The following PNLIPRP1 variants were observed in gnomAD, a reference collection of about 807,000 sequenced individuals.
The protein encoded by PNLIPRP1 is pancreatic lipase related protein 1, also known as inactive pancreatic lipase-related protein 1.
In PNLIPRP1, 57 loss-of-function variants were observed where a neutral mutation model predicts 54.6. The ratio of observed to expected loss-of-function variants is 1.04; its 90% CI spans 0.84 to 1.30. PNLIPRP1 has a LOEUF of 1.30. Ranked by LOEUF, PNLIPRP1 falls within the 50% of genes most tolerant of loss-of-function variation. The pLI, the probability that PNLIPRP1 is intolerant of heterozygous loss-of-function variation, is 0.00. For synonymous variants in PNLIPRP1, 232 were observed against 208.8 expected, an observed-to-expected ratio of 1.11 and a Z score of -0.96; for missense variants, 567 against 568.5, an observed-to-expected ratio of 1.00 and a Z score of 0.03.
At chr10:116,593,296 A>G (rs1358442770) in intron 4 of PNLIPRP1, 1 of 152,940 alleles carries the variant, frequency 6.5e-6, no homozygotes, top group African/African-American at 2.4e-5. Flanking sequence ...ACACACATAC[A>G]TACATGGACA....
chr10:116,596,274 G>T lies in PNLIPRP1; in HGVS notation c.526G>T (p.Val176Leu). 6.2e-7 allele frequency: 1 copy of T among 1,613,988 alleles called. No individual in the cohort carries two copies. The change falls in exon 6 of 13, where the codon GTG becomes TTG. Residue 176 changes from valine to leucine, a missense_variant. Val to Leu is a conservative substitution (Grantham distance 32). Transcript: ENST00000358834. ...CATTGGCCACAGCCTGGGAGCCCACGTGGCTGGAGAGGCAGGAAGCAAGAC... is the reference window on the plus strand; with the variant it reads ...CATTGGCCACAGCCTGGGAGCCCACTTGGCTGGAGAGGCAGGAAGCAAGAC... ...HLIGHSLGAHVAGEAGSKTPG... is the reference protein window; with the variant it reads ...HLIGHSLGAHLAGEAGSKTPG...
At chr10:116,603,710 T>G (rs1847888134) in intron 10 of PNLIPRP1, among the ~76,000 whole-genome samples, 1 of 152,122 alleles carries the variant, frequency 6.6e-6, no homozygotes, top group Admixed American at 6.5e-5. Context: ...TTGACCAACA[T>G]GGCGAAACTC....
At position 116,605,938 on chromosome 10, in the gene PNLIPRP1, T is replaced by G. The variant is rs555815928; in HGVS notation, c.1340+385T>G. 2.6e-5 allele frequency among the ~76,000 whole-genome samples: 4 copies of G among 152,252 alleles called. No individual in the cohort carries two copies. In the South Asian group the frequency reaches 8.3e-4, roughly 32 times the overall value. On this transcript the variant is annotated intron_variant, in intron 12 of 12. Transcript: ENST00000358834. ...ATAATAAAACGGAAAATAAATCGGT[T>G]TTAGGAAAAGATCGAAAATTTTACA...
At chr10:116,592,228 G>A in intron 3 of PNLIPRP1, 188 bp from the exon 4 acceptor site, 1 of 678,900 alleles carries the variant, frequency 1.5e-6, no homozygotes, top group Non-Finnish European at 2.4e-6. Flanking sequence ...TCCAGGCCTA[G>A]TGGAAGCAGT....
chr10:116,603,123 C>T (rs1172829523), intron 10 of PNLIPRP1, among the ~76,000 whole-genome samples: 1 of 152,106 alleles, frequency 6.6e-6, no homozygotes, highest in African/African-American at 2.4e-5. Flanking sequence ...GCATGCAGGC[C>T]CTGGGACAGC....
chr10:116,606,890 A>T (rs1847944535), intron 12 of PNLIPRP1, among the ~76,000 whole-genome samples: 1 of 152,066 alleles, frequency 6.6e-6, no homozygotes, highest in Admixed American at 6.5e-5. Context: ...GCTGGATATA[A>T]GACATCAGGT....
In PNLIPRP1 at chr10:116,598,111, G is replaced by A. The variant is rs782411789; in HGVS notation, c.759G>A (p.Pro253=). The change falls in exon 8 of 13, where the codon CCG becomes CCA. Residue 253 remains proline, a synonymous_variant. Transcript: ENST00000358834. ...DFFPNGGESM[P]GCKKNALSQI... is the part of the protein sequence containing the mutation. ...TCCCCAATGGAGGAGAGAGCATGCCGGGATGCAAGAAGAATGCCCTGTCTC... is the reference window on the plus strand; with the variant it reads ...TCCCCAATGGAGGAGAGAGCATGCCAGGATGCAAGAAGAATGCCCTGTCTC... 1.1e-5 allele frequency: 18 copies of A among 1,614,090 alleles called. No homozygotes were observed. The highest frequency in any genetic ancestry group is 6.6e-5 in the South Asian group (6 of 91,066).
rs1310079082 is a variant in PNLIPRP1 at position 116,598,172 on chromosome 10, G to A, written c.814+6G>A. On this transcript the variant is annotated splice_donor_region_variant and intron_variant, in intron 8 of 12. Coordinates refer to ENST00000358834, the MANE Select transcript of PNLIPRP1 (RefSeq NM_006229.4). ...TCTAGATGGCATCTGGGCGGGTAAA[G>A]TCATGGTGGGGTGAGGGGAGCAGGG... is the stretch of plus-strand genomic sequence containing the variant. The A allele has an allele frequency of 3.7e-6, 6 of 1,612,386 alleles. No homozygotes were observed. The highest frequency in any genetic ancestry group is 1.7e-5 in the Admixed American group (1 of 59,918).
chr10:116,591,092 T>C, intron 1 of PNLIPRP1, 38 bp from the exon 2 acceptor site: 7 of 1,579,742 alleles, frequency 4.4e-6, no homozygotes, highest in Non-Finnish European at 6.1e-6. Context: ...GCTCTGGCAA[T>C]GCCCGGTGAG....
chr10:116,593,954 C>CAA (rs57786929), intron 4 of PNLIPRP1: 16 of 94,576 alleles, frequency 1.7e-4, no homozygotes, highest in South Asian at 3.0e-4. Flanking sequence ...GAGGCTGTCT[C>CAA]AAAAAAAAAA....
At chr10:116,596,959 T>C (rs530442646) in intron 6 of PNLIPRP1, among the ~76,000 whole-genome samples, 3 of 152,314 alleles carry the variant, frequency 2.0e-5, no homozygotes, top group East Asian at 3.9e-4. Flanking sequence ...TATTTTCTTA[T>C]ATAATTCTCA....
Position 116,601,143 on chromosome 10 carries a change from G to T in PNLIPRP1, c.1005G>T (p.Arg335Ser). The part of the protein sequence containing the change: ...MGHYADKFAG[R>S]TSEEQQKFFL... ...ACTATGCTGATAAATTTGCTGGCAG[G>T]ACAAGTGAAGAGCAGCAGAAATTCT... Residue 335 changes from arginine to serine, a missense_variant, in exon 10 of 13, where the codon AGG becomes AGT. Arg to Ser is a moderately radical substitution (Grantham distance 110). Transcript: ENST00000358834. The T allele has an allele frequency of 6.2e-7, 1 of 1,614,100 alleles. No individual in the cohort carries two copies. The highest frequency in any genetic ancestry group is 8.5e-7 in the Non-Finnish European group (1 of 1,179,996).
At chr10:116,594,416 T>C in intron 4 of PNLIPRP1, 1 of 503,322 alleles carries the variant, frequency 2.0e-6, no homozygotes, top group Non-Finnish European at 3.8e-6. Context: ...AGACTTTTCC[T>C]TTTCAAAACA....
chr10:116,594,823 G>A lies in PNLIPRP1; in HGVS notation c.424G>A (p.Val142Met). The A allele has an allele frequency of 6.2e-7, 1 of 1,614,160 alleles. No individual in the cohort carries two copies. The highest frequency in any genetic ancestry group is 8.5e-7 in the Non-Finnish European group (1 of 1,180,044). ...CACACAGGCTGCCAACAACGTGCGAGTGGTGGGCGCCCAGGTGGCCCAGAT... is the reference window on the plus strand; with the variant it reads ...CACACAGGCTGCCAACAACGTGCGAATGGTGGGCGCCCAGGTGGCCCAGAT... The part of the protein sequence containing the change: ...TYTQAANNVR[V>M]VGAQVAQMLD... The change falls in exon 5 of 13, where the codon GTG (valine) becomes ATG (methionine). Residue 142 changes from valine (V) to methionine (M), a missense_variant. Physicochemically the swap from Val to Met is conservative, Grantham distance 21 (BLOSUM62 1). Transcript: ENST00000358834.
At position 116,597,929 on chromosome 10, in the gene PNLIPRP1, C is replaced by G. The variant is rs1431251207; in HGVS notation, c.676C>G (p.Pro226Ala). Reference protein sequence around the residue: ...FVDVIHTDAAPLIPFLGFGTN... With the variant: ...FVDVIHTDAAALIPFLGFGTN... ...TGATGTGATTCACACGGATGCAGCT[C>G]CCCTGATCCCATTCTTGGGTGAGAC... Residue 226 changes from proline to alanine, a missense_variant, in exon 7 of 13, where the codon CCC (proline) becomes GCC (alanine). Pro to Ala is a conservative substitution (Grantham distance 27). Coordinates refer to ENST00000358834, the MANE Select transcript of PNLIPRP1 (RefSeq NM_006229.4). The G allele has an allele frequency of 1.9e-6, 3 of 1,614,204 alleles. No homozygotes were observed. The highest frequency in any genetic ancestry group is 2.5e-6 in the Non-Finnish European group (3 of 1,180,038).
At chr10:116,601,952 AGTT>A (rs1403464920) in intron 10 of PNLIPRP1, among the ~76,000 whole-genome samples, 20 of 152,220 alleles carry the variant, frequency 1.3e-4, no homozygotes, top group African/African-American at 4.6e-4. Flanking sequence ...ACAAATGAAT[AGTT>A]GTGTAAACAC....
intron 8 of PNLIPRP1, among the ~76,000 whole-genome samples, chr10:116,599,588 CAT>C (rs1847797327): frequency 6.6e-6 from 1 of 152,156 alleles, no homozygotes; most frequent in African/African-American, 2.4e-5. Context: ...TTGGCTTGGT[CAT>C]GTCACATCTG....
At chr10:116,592,632 A>C in intron 4 of PNLIPRP1, 91 bp downstream of exon 4, 1 of 1,459,562 alleles carries the variant, frequency 6.9e-7, no homozygotes, top group South Asian at 1.1e-5. Context: ...AAATCTTTAC[A>C]TATTAGGTAA....
At position 116,592,011 on chromosome 10, in the gene PNLIPRP1, C is replaced by T. The variant is rs1047094419; in HGVS notation, c.204+86C>T. The T allele has an allele frequency of 2.8e-6, 4 of 1,434,012 alleles. No homozygotes were observed. In the Admixed American group the frequency reaches 5.2e-5, roughly 19 times the overall value. The allele number at this position is 1,434,012 out of a possible 1,614,324, so 88.8% of individuals were successfully genotyped here. On this transcript the variant is annotated intron_variant, in intron 3 of 12. Transcript: ENST00000358834. Reference sequence around the variant, plus strand: ...ACCATGAATACCTTATCTCTGTGCCCTCTTCCTCCACCATGCCCCACCCCA... The same window carrying T: ...ACCATGAATACCTTATCTCTGTGCCTTCTTCCTCCACCATGCCCCACCCCA...
Sources: allele counts gnomAD v4.1 joint callset (sites outside exome capture counted in the v4.1 genomes callset), GRCh38; gene constraint gnomAD v4.1.1; transcripts MANE v1.5; gene names NCBI Gene and HGNC (gene_info 2026-07-23, HGNC 2026-07-21).